The following TCF12 variants were observed in gnomAD, a reference collection of about 807,000 sequenced individuals.
TCF12 encodes the protein transcription factor 12, also known as DNA-binding protein HTF4.
A neutral mutation model predicts 86.0 loss-of-function variants in TCF12; 45 were observed. The observed-to-expected ratio is 0.52, with a 90% CI of 0.41 to 0.67. The LOEUF (loss-of-function observed/expected upper bound fraction) is 0.67, where lower values mean the gene tolerates loss of function less well. Among genes scored for constraint, TCF12 ranks in the 30% least tolerant of loss-of-function variants. The pLI, the probability that TCF12 is intolerant of heterozygous loss-of-function variation, is 0.00. For missense variants in TCF12, 881 were observed against 859.9 expected, an observed-to-expected ratio of 1.02 and a Z score of -0.31; for synonymous variants, 330 against 299.6, an observed-to-expected ratio of 1.10 and a Z score of -1.05.
intron 6 of TCF12, among the ~76,000 whole-genome samples, chr15:57,183,860 A>G (rs763540689): frequency 3.9e-5 from 6 of 152,176 alleles, no homozygotes; most frequent in Admixed American, 2.6e-4. Flanking sequence ...TGGACTCGGG[A>G]TACCTAACTC....
intron 3 of TCF12, among the ~76,000 whole-genome samples, chr15:56,958,428 A>G (rs1223997160): frequency 2.6e-5 from 4 of 152,028 alleles, no homozygotes; most frequent in African/African-American, 9.7e-5. Flanking sequence ...GTGTAAATCT[A>G]TTTCTGTTAC....
At position 57,155,773 on chromosome 15, in the gene TCF12, C is replaced by G. The variant is rs2054072311; in HGVS notation, c.326-10629C>G. On this transcript the variant is annotated intron_variant, in intron 5 of 20. Transcript: ENST00000333725. Reference sequence around the variant, plus strand: ...CCAGCCTGGACAACAGATCAAGACCCTGTCATTCATAAATAAATGAGAACA... The same window carrying G: ...CCAGCCTGGACAACAGATCAAGACCGTGTCATTCATAAATAAATGAGAACA... 3.3e-5 allele frequency among the ~76,000 whole-genome samples: 5 copies of G among 152,256 alleles called. No homozygotes were observed. The South Asian group carries it at 8.3e-4, about 25-fold the overall frequency.
chr15:57,010,241 T>C (rs1189307552), intron 3 of TCF12, among the ~76,000 whole-genome samples: 5 of 151,878 alleles, frequency 3.3e-5, no homozygotes, highest in Non-Finnish European at 2.9e-5. Context: ...GTCAAGAACA[T>C]TGATAAAACA....
At chr15:57,232,515 C>G (rs1427408224) in intron 10 of TCF12, 85 bp downstream of exon 10, 4 of 1,510,984 alleles carry the variant, frequency 2.6e-6, no homozygotes, top group South Asian at 1.4e-5. Context: ...AAATCTAAGT[C>G]TGCCAAAACT....
intron 3 of TCF12, among the ~76,000 whole-genome samples, chr15:56,999,066 C>CG (rs1323214250): frequency 1.3e-5 from 2 of 151,794 alleles, no homozygotes; most frequent in Non-Finnish European, 2.9e-5. Context: ...GGCGTGGTGG[C>CG]GGGCGCCTGT....
chr15:57,129,922 A>G (rs1222252016), intron 5 of TCF12: 1 of 152,278 alleles, frequency 6.6e-6, no homozygotes, highest in African/African-American at 2.4e-5. Flanking sequence ...TACTCCCCCA[A>G]CAACCCCTCC....
Position 57,149,146 on chromosome 15 carries a change from C to T in TCF12, c.326-17256C>T, listed in dbSNP as rs558062486. ...AGTGTCAAAATAAATGTAAATATGA[C>T]GTAGCTTGCATAGTGAGAGACAGAC... On this transcript the variant is annotated intron_variant, in intron 5 of 20. Coordinates refer to ENST00000333725, the MANE Select transcript of TCF12 (RefSeq NM_207037.2). Among the ~76,000 whole-genome samples, 9 of 152,174 alleles carry T rather than the reference C, an allele frequency of 5.9e-5. No individual in the cohort carries two copies. In the South Asian group the frequency reaches 8.3e-4, roughly 14 times the overall value.
At chr15:57,163,332 CTAAT>C (rs1375741031) in intron 5 of TCF12, among the ~76,000 whole-genome samples, 2 of 152,100 alleles carry the variant, frequency 1.3e-5, no homozygotes, top group African/African-American at 4.8e-5. Context: ...GTCATGCTGA[CTAAT>C]TGACGTAGAA....
chr15:56,979,290 T>G (rs2062769959), intron 3 of TCF12, among the ~76,000 whole-genome samples: 1 of 152,214 alleles, frequency 6.6e-6, no homozygotes, highest in Non-Finnish European at 1.5e-5. Flanking sequence ...AAATCATGTT[T>G]TTTTGGTCAG....
chr15:57,231,337 A>G (rs1459218079), intron 9 of TCF12, 80 bp downstream of exon 9: 1 of 1,158,318 alleles, frequency 8.6e-7, no homozygotes, highest in Non-Finnish European at 1.3e-6. Flanking sequence ...TAGGAAAGAG[A>G]ATACCTATAT....
Position 57,063,738 on chromosome 15 carries a change from T to G in TCF12, c.149-12T>G, listed in dbSNP as rs1293805554. 6.3e-7 allele frequency: 1 copy of G among 1,590,468 alleles called. No individual in the cohort carries two copies. The highest frequency in any genetic ancestry group is 1.3e-5 in the African/African-American group (1 of 74,618). On this transcript the variant is annotated splice_polypyrimidine_tract_variant and intron_variant, in intron 3 of 20. Coordinates refer to ENST00000333725, the MANE Select transcript of TCF12 (RefSeq NM_207037.2). ...GTTTTTAGATATATCTTTTATTTTC[T>G]TCTCTTTTTAGGTATTGATGAAAGA... is the stretch of plus-strand genomic sequence containing the variant.
chr15:57,165,788 C>T (rs1415418540), intron 5 of TCF12, among the ~76,000 whole-genome samples: 2 of 151,994 alleles, frequency 1.3e-5, no homozygotes, highest in South Asian at 2.1e-4. Context: ...CGCCCGCCTT[C>T]GCCTCCCAAA....
intron 12 of TCF12, among the ~76,000 whole-genome samples, chr15:57,241,845 T>C (rs2151964514): frequency 6.6e-6 from 1 of 152,158 alleles, no homozygotes; most frequent in South Asian, 2.1e-4. Flanking sequence ...ATACAAAAAT[T>C]AGCCAGGCTT....
At chr15:56,991,305 A>G (rs2063447934) in intron 3 of TCF12, among the ~76,000 whole-genome samples, 3 of 151,984 alleles carry the variant, frequency 2.0e-5, no homozygotes, top group African/African-American at 7.3e-5. Context: ...CTCTTTCCTC[A>G]CCAGTCTTCC....
At chr15:57,098,840 G>A (rs1242415226) in intron 5 of TCF12, among the ~76,000 whole-genome samples, 1 of 152,146 alleles carries the variant, frequency 6.6e-6, no homozygotes, top group Non-Finnish European at 1.5e-5. Context: ...GGGACCTAGG[G>A]GTTTAAACAA....
chr15:57,238,202 A>G (rs1224546684), intron 12 of TCF12, among the ~76,000 whole-genome samples: 1 of 152,138 alleles, frequency 6.6e-6, no homozygotes, highest in South Asian at 2.1e-4. Context: ...CCGTTTAGAC[A>G]GTGATTTTTT....
intron 6 of TCF12, among the ~76,000 whole-genome samples, chr15:57,170,808 T>A (rs2055430522): frequency 2.4e-5 from 2 of 84,552 alleles, no homozygotes; most frequent in African/African-American, 1.0e-4. Context: ...ATATATAATT[T>A]TTTTTTTTTT....
At chr15:57,169,760 T>C (rs924795770) in intron 6 of TCF12, among the ~76,000 whole-genome samples, 6 of 152,326 alleles carry the variant, frequency 3.9e-5, no homozygotes, top group African/African-American at 1.2e-4. Flanking sequence ...TTCATGCTTA[T>C]ATTAATGTTT....
chr15:56,930,751 CT>C (rs2060209741), intron 3 of TCF12, among the ~76,000 whole-genome samples: 1 of 151,502 alleles, frequency 6.6e-6, no homozygotes, highest in Non-Finnish European at 1.5e-5. Flanking sequence ...TCAAGATCCC[CT>C]TTTCCCAGTT....
Sources: allele counts gnomAD v4.1 joint callset (sites outside exome capture counted in the v4.1 genomes callset), GRCh38; gene constraint gnomAD v4.1.1; transcripts MANE v1.5; gene names NCBI Gene and HGNC (gene_info 2026-07-23, HGNC 2026-07-21).